Variants in PHLPP1 observed in about 807,000 individuals in gnomAD.
The protein encoded by PHLPP1 is PH domain and leucine rich repeat protein phosphatase 1.
PHLPP1 carries 42 observed loss-of-function variants against 117.2 expected under a neutral mutation model. The observed-to-expected ratio is 0.36, with a 90% CI of 0.28 to 0.46. The LOEUF (loss-of-function observed/expected upper bound fraction) is 0.46, where lower values mean the gene tolerates loss of function less well. Among genes scored for constraint, PHLPP1 ranks in the 20% least tolerant of loss-of-function variants. The probability of loss-of-function intolerance (pLI) is 1.00; values close to 1 mark genes in which losing one functional copy is unlikely to be tolerated. For missense variants in PHLPP1, 2,084 were observed against 2,241.9 expected (o/e 0.93, Z 1.42); for synonymous variants, 1,042 against 970.7 (o/e 1.07, Z -1.37).
chr18:62,887,298 C>G (rs764947133), intron 4 of PHLPP1, among the ~76,000 whole-genome samples: 4 of 151,960 alleles, frequency 2.6e-5, no homozygotes, highest in African/African-American at 9.7e-5. Context: ...TATCTATGAG[C>G]TTGGAAAATT....
chr18:62,810,205 A>G (rs558104913), intron 1 of PHLPP1, among the ~76,000 whole-genome samples: 3 of 152,300 alleles, frequency 2.0e-5, no homozygotes, highest in African/African-American at 7.2e-5. Context: ...TAGTAGTTTG[A>G]ATTTCCAGAT....
intron 1 of PHLPP1, among the ~76,000 whole-genome samples, chr18:62,812,140 A>G (rs369828639): frequency 2.0e-5 from 3 of 152,180 alleles, no homozygotes; most frequent in African/African-American, 4.8e-5. Flanking sequence ...GTCTGAAGTC[A>G]TCTTGGCCGA....
chr18:62,848,590 A>G (rs1915242363), intron 3 of PHLPP1, among the ~76,000 whole-genome samples: 2 of 150,530 alleles, frequency 1.3e-5, no homozygotes. Context: ...CAGCCTCCCG[A>G]GTAACTGGGA....
In PHLPP1 at chr18:62,717,262, A is replaced by G; in HGVS notation, c.1576+3A>G. 5 of 1,567,146 alleles carry G rather than the reference A, an allele frequency of 3.2e-6. No individual in the cohort carries two copies. Among genetic ancestry groups the G allele is most frequent in the Non-Finnish European group, 4.3e-6 (5 of 1,153,216 alleles). On this transcript the variant is annotated splice_donor_region_variant and intron_variant, in intron 1 of 16. Transcript: ENST00000262719. ...CTGCCTCATCCGCTTCTATGCAGGT[A>G]AGGAAGTCACCTGCCTTGACGGGTG...
chr18:62,828,008 T>TTGTGTGTG (rs34088259), intron 1 of PHLPP1, among the ~76,000 whole-genome samples: 298 of 146,756 alleles, frequency 2.0e-3, no homozygotes, highest in Non-Finnish European at 3.0e-3. Context: ...TTCTTTGCAT[T>TTGTGTGTG]TGTGTGTGTG....
intron 3 of PHLPP1, among the ~76,000 whole-genome samples, chr18:62,853,254 T>G (rs1915405922): frequency 6.6e-6 from 1 of 152,182 alleles, no homozygotes; most frequent in Admixed American, 6.5e-5. Flanking sequence ...AGTTGGAAAT[T>G]ATGTTCATTT....
chr18:62,772,335 CTGTTT>C (rs1245129057), intron 1 of PHLPP1, among the ~76,000 whole-genome samples: 8 of 151,742 alleles, frequency 5.3e-5, no homozygotes, highest in Admixed American at 3.9e-4. Flanking sequence ...TTTTTCTGTT[CTGTTT>C]TCTTTATTTT....
chr18:62,920,625 T>G (rs1299797250), intron 10 of PHLPP1, among the ~76,000 whole-genome samples: 1 of 151,892 alleles, frequency 6.6e-6, no homozygotes, highest in African/African-American at 2.4e-5. Flanking sequence ...AGTGGTGTGA[T>G]CTCGGCTCAC....
chr18:62,740,699 A>G (rs977977302), intron 1 of PHLPP1, among the ~76,000 whole-genome samples: 5 of 152,202 alleles, frequency 3.3e-5, no homozygotes, highest in Non-Finnish European at 5.9e-5. Flanking sequence ...ATGGCTGGGC[A>G]TGGTGGCTCA....
chr18:62,770,196 C>T (rs1344892938), intron 1 of PHLPP1, among the ~76,000 whole-genome samples: 3 of 152,054 alleles, frequency 2.0e-5, no homozygotes, highest in East Asian at 1.9e-4. Flanking sequence ...TTGCAACCTC[C>T]GCCTCCTGGT....
intron 4 of PHLPP1, among the ~76,000 whole-genome samples, chr18:62,877,103 T>G (rs1403383403): frequency 3.4e-4 from 51 of 152,186 alleles, no homozygotes; most frequent in Admixed American, 3.3e-3. Context: ...AAGCTCAAAT[T>G]TCTACATTTT....
At chr18:62,813,274 A>G (rs1914176021) in intron 1 of PHLPP1, among the ~76,000 whole-genome samples, 1 of 152,224 alleles carries the variant, frequency 6.6e-6, no homozygotes, top group Admixed American at 6.5e-5. Context: ...ACCTTCTCAT[A>G]CATCCCAAAC....
intron 6 of PHLPP1, among the ~76,000 whole-genome samples, chr18:62,902,178 T>G (rs1916740336): frequency 6.6e-6 from 1 of 152,206 alleles, no homozygotes; most frequent in African/African-American, 2.4e-5. Flanking sequence ...GCTCACTAGT[T>G]CTTATGGCTA....
chr18:62,837,076 A>T (rs1467630622), intron 2 of PHLPP1, among the ~76,000 whole-genome samples: 1 of 152,170 alleles, frequency 6.6e-6, no homozygotes, highest in Non-Finnish European at 1.5e-5. Context: ...TGACCTCCCC[A>T]GGCTTGGGCG....
chr18:62,939,636 T>TC (rs1910072447), intron 10 of PHLPP1, among the ~76,000 whole-genome samples: 1 of 120,036 alleles, frequency 8.3e-6, no homozygotes, highest in African/African-American at 3.1e-5. Context: ...TTCTCTAACT[T>TC]CCTTTTTTTT....
intron 10 of PHLPP1, among the ~76,000 whole-genome samples, chr18:62,940,655 C>T (rs971297027): frequency 3.0e-4 from 45 of 152,142 alleles, no homozygotes; most frequent in Admixed American, 2.8e-3. Flanking sequence ...TGAGCCACCA[C>T]GCCTGGCCTT....
At chr18:62,816,216 C>G (rs1465547454) in intron 1 of PHLPP1, among the ~76,000 whole-genome samples, 1 of 152,112 alleles carries the variant, frequency 6.6e-6, no homozygotes, top group Non-Finnish European at 1.5e-5. Context: ...AACCTATTTT[C>G]AAATTGCCCC....
intron 4 of PHLPP1, among the ~76,000 whole-genome samples, chr18:62,890,789 A>G (rs1047609022): frequency 6.6e-6 from 1 of 152,166 alleles, no homozygotes; most frequent in Non-Finnish European, 1.5e-5. Context: ...CCCACTTTGA[A>G]AAGTTCACGT....
At chr18:62,903,200 T>C in intron 7 of PHLPP1, 34 bp downstream of exon 7, 1 of 1,436,272 alleles carries the variant, frequency 7.0e-7, no homozygotes, top group Non-Finnish European at 9.7e-7. Flanking sequence ...AGTTGCTCTT[T>C]TGGTTCCAGG....
Sources: allele counts gnomAD v4.1 joint callset (sites outside exome capture counted in the v4.1 genomes callset), GRCh38; gene constraint gnomAD v4.1.1; transcripts MANE v1.5; gene names NCBI Gene and HGNC (gene_info 2026-07-23, HGNC 2026-07-21).